Variants in ADK observed in about 807,000 individuals in gnomAD.
ADK encodes the protein N6,N6-dimethyladenosine kinase.
Under a neutral mutation model 44.7 loss-of-function variants are expected in ADK, and 24 were observed. That is an observed-to-expected ratio of 0.54 (90% CI 0.39 to 0.76). The LOEUF is 0.76. ADK is among the 30% of genes least tolerant of loss of function. The pLI is 0.00. For synonymous variants in ADK, 128 were observed against 142.6 expected (o/e 0.90, Z 0.73); for missense variants, 321 against 425.1 (o/e 0.76, Z 2.15).
chr10:74,584,982 TAGAG>T (rs1185200713), intron 7 of ADK, among the ~76,000 whole-genome samples: 1 of 152,214 alleles, frequency 6.6e-6, no homozygotes, highest in African/African-American at 2.4e-5. Flanking sequence ...AGATGAAATA[TAGAG>T]AAAGTTTTCT....
At chr10:74,261,998 C>G (rs1012701946) in intron 3 of ADK, among the ~76,000 whole-genome samples, 3 of 152,018 alleles carry the variant, frequency 2.0e-5, no homozygotes, top group African/African-American at 2.4e-5. Context: ...TTAATAGACA[C>G]TGGATTTTTC....
Position 74,176,728 on chromosome 10 carries a change from C to A in ADK, c.66-24036C>A, listed in dbSNP as rs1842352180. On this transcript the variant is annotated intron_variant, in intron 1 of 10. Coordinates refer to ENST00000539909, the MANE Select transcript of ADK (RefSeq NM_006721.4). ...GCACGCCGGGCCGGCTAGCCAGGGG[C>A]CGCCCGCGCGCGGGGTGTGTGAGGA... is the stretch of plus-strand genomic sequence containing the variant. The A allele has an allele frequency of 2.0e-6, 3 of 1,494,514 alleles. No individual in the cohort carries two copies. In the African/African-American group the frequency reaches 4.1e-5, roughly 21 times the overall value. 92.6% of individuals were successfully genotyped at this position (1,494,514 alleles called of 1,614,324 possible). A position where few individuals can be genotyped will look rare whatever the true frequency, so the allele number is the denominator to read the frequency against.
intron 4 of ADK, among the ~76,000 whole-genome samples, chr10:74,342,779 T>TTGTGTGTGTGTGTGTGTGTGTG (rs757212421): frequency 0.01 from 1,451 of 141,340 alleles, 21 homozygotes; most frequent in East Asian, 0.031. Flanking sequence ...CTAGCTCAGT[T>TTGTGTGTGTGTGTGTGTGTGTG]TGTGTGTGTG....
chr10:74,698,277 C>T (rs1432473566), intron 10 of ADK, among the ~76,000 whole-genome samples: 3 of 152,144 alleles, frequency 2.0e-5, no homozygotes, highest in Non-Finnish European at 4.4e-5. Context: ...CATATGAGTT[C>T]TTGATTTGGA....
chr10:74,555,517 G>A (rs778479532), intron 7 of ADK, among the ~76,000 whole-genome samples: 26 of 151,556 alleles, frequency 1.7e-4, no homozygotes, highest in Non-Finnish European at 3.4e-4. Flanking sequence ...AGGCCAAGGT[G>A]GAAGGATCCC....
chr10:74,555,833 A>G (rs1318280248), intron 7 of ADK, among the ~76,000 whole-genome samples: 1 of 152,100 alleles, frequency 6.6e-6, no homozygotes, highest in Non-Finnish European at 1.5e-5. Flanking sequence ...CCCCCATGTA[A>G]TCAACCTCAG....
intron 3 of ADK, among the ~76,000 whole-genome samples, chr10:74,276,923 TC>T (rs1846701586): frequency 1.1e-5 from 1 of 91,370 alleles, no homozygotes; most frequent in Non-Finnish European, 2.9e-5. Context: ...TTTTCAAATA[TC>T]TTTTTTTTTT....
intron 3 of ADK, among the ~76,000 whole-genome samples, chr10:74,277,137 C>G (rs180731885): frequency 2.0e-5 from 3 of 152,222 alleles, no homozygotes; most frequent in African/African-American, 4.8e-5. Flanking sequence ...AGGCTGATCT[C>G]GAACTCTTGA....
At chr10:74,683,870 A>G (rs1046892251) in intron 10 of ADK, among the ~76,000 whole-genome samples, 2 of 152,248 alleles carry the variant, frequency 1.3e-5, no homozygotes, top group Non-Finnish European at 2.9e-5. Flanking sequence ...GTTTATTTTT[A>G]TAACAACCTT....
At chr10:74,164,976 CCTTT>C (rs1347610791) in intron 1 of ADK, among the ~76,000 whole-genome samples, 3 of 152,160 alleles carry the variant, frequency 2.0e-5, no homozygotes, top group African/African-American at 7.2e-5. Flanking sequence ...GCTCTCTCAG[CCTTT>C]CTCTTTGAGA....
At chr10:74,410,014 G>T (rs1343645347) in intron 6 of ADK, among the ~76,000 whole-genome samples, 1 of 152,048 alleles carries the variant, frequency 6.6e-6, no homozygotes, top group East Asian at 1.9e-4. Context: ...TTAAAATGAG[G>T]TAGTGTGATA....
At chr10:74,694,382 C>T (rs1589375837) in intron 10 of ADK, among the ~76,000 whole-genome samples, 1 of 150,838 alleles carries the variant, frequency 6.6e-6, no homozygotes, top group East Asian at 1.9e-4. Flanking sequence ...GAGGCCCCAT[C>T]TCTACCCCAA....
intron 10 of ADK, among the ~76,000 whole-genome samples, chr10:74,704,068 G>A (rs1001015243): frequency 2.6e-5 from 4 of 152,164 alleles, no homozygotes; most frequent in Admixed American, 6.5e-5. Context: ...TATGCTAAGT[G>A]AAATAAGCTA....
intron 4 of ADK, among the ~76,000 whole-genome samples, chr10:74,335,965 T>C (rs1841396493): frequency 6.6e-6 from 1 of 152,212 alleles, no homozygotes; most frequent in Admixed American, 6.5e-5. Context: ...TTTCTCCTAG[T>C]GAGTGGCTTG....
At chr10:74,556,600 G>A (rs576658225) in intron 7 of ADK, among the ~76,000 whole-genome samples, 2 of 152,086 alleles carry the variant, frequency 1.3e-5, no homozygotes, top group Non-Finnish European at 2.9e-5. Context: ...TAGCATTCAT[G>A]GACACATTTT....
intron 6 of ADK, among the ~76,000 whole-genome samples, chr10:74,440,053 TC>T (rs758704216): frequency 2.1e-4 from 32 of 152,032 alleles, no homozygotes; most frequent in Non-Finnish European, 2.5e-4. Flanking sequence ...AATATATAAT[TC>T]AAAAGCTATA....
intron 1 of ADK, among the ~76,000 whole-genome samples, chr10:74,192,291 G>C (rs939109088): frequency 6.6e-6 from 1 of 151,532 alleles, no homozygotes; most frequent in Non-Finnish European, 1.5e-5. Context: ...GCAGTGCCGC[G>C]ATCTTGGCTC....
chr10:74,486,517 AT>A (rs1167903030), intron 6 of ADK, among the ~76,000 whole-genome samples: 2 of 152,186 alleles, frequency 1.3e-5, no homozygotes, highest in Non-Finnish European at 2.9e-5. Context: ...ATAGTTTTCC[AT>A]TTTGATTGTT....
chr10:74,395,975 C>T (rs1314913157), intron 5 of ADK, among the ~76,000 whole-genome samples: 8 of 152,146 alleles, frequency 5.3e-5, no homozygotes, highest in East Asian at 1.9e-4. Flanking sequence ...TGTGCTATTG[C>T]GCTCCAGCCT....
Sources: gnomAD v4.1 joint callset for allele counts (sites outside exome capture counted in the v4.1 genomes callset) on GRCh38, gnomAD v4.1.1 for gene constraint, MANE v1.5 for transcripts, NCBI Gene and HGNC (gene_info 2026-07-23, HGNC 2026-07-21) for gene names.